Variants in SYK observed in about 807,000 individuals in gnomAD.
SYK encodes the protein tyrosine-protein kinase SYK.
A neutral mutation model predicts 77.8 loss-of-function variants in SYK; 16 were observed. The observed-to-expected ratio is 0.21, with a 90% CI of 0.14 to 0.31. The LOEUF (loss-of-function observed/expected upper bound fraction) is 0.31, where lower values mean the gene tolerates loss of function less well. Among genes scored for constraint, SYK ranks in the 10% least tolerant of loss-of-function variants. The pLI is 1.00. For synonymous variants in SYK, 312 were observed against 308.7 expected (o/e 1.01, Z -0.11); for missense variants, 529 against 814.4 (o/e 0.65, Z 4.26).
In SYK at chr9:90,884,970, TATATATATACCCAAC is replaced by T. The variant is rs1307083529; in HGVS notation, c.1582-2762_1582-2748del. Among the ~76,000 whole-genome samples, 4 of 133,782 alleles carry T rather than the reference TATATATATACCCAAC, an allele frequency of 3.0e-5. No individual in the cohort carries two copies. The East Asian group carries it at 8.7e-4, about 29-fold the overall frequency. The allele number at this position is 133,782 out of a possible 152,430, so 87.8% of individuals were successfully genotyped here. On this transcript the variant is annotated intron_variant, in intron 11 of 13. Transcript: ENST00000375754. ...ATATATACACACATATATGTGTATA[TATATATATACCCAAC>T]ATATATATACCCAACAACATATATA... is the stretch of plus-strand genomic sequence containing the variant.
intron 1 of SYK, among the ~76,000 whole-genome samples, chr9:90,812,234 T>G (rs1825109791): frequency 6.6e-6 from 1 of 152,178 alleles, no homozygotes. Flanking sequence ...TGTACTTTTT[T>G]CAATTTAGAA....
At position 90,898,125 on chromosome 9, in the gene SYK, A is replaced by C. The variant is rs199774700; in HGVS notation, c.*2525A>C. On this transcript the variant is annotated 3_prime_UTR_variant, in exon 14 of 14. Transcript: ENST00000375754. ...GCCTTTTACCTTATGGTCCTTCTTT[A>C]GCAGGTAACAAAGGAGCATCAGGGG... 2.3e-4 allele frequency: 53 copies of C among 229,078 alleles called. No individual in the cohort carries two copies. Among genetic ancestry groups the C allele is most frequent in the Non-Finnish European group, 4.0e-4 (46 of 115,452 alleles). 14.2% of individuals were successfully genotyped at this position (229,078 alleles called of 1,614,324 possible).
At chr9:90,850,261 G>A (rs1826766310) in intron 3 of SYK, among the ~76,000 whole-genome samples, 1 of 152,210 alleles carries the variant, frequency 6.6e-6, no homozygotes, top group South Asian at 2.1e-4. Context: ...GCTCATGCCT[G>A]TAATCCCAGC....
In SYK at chr9:90,884,165, A is replaced by G. The variant is rs561556785; in HGVS notation, c.1582-3584A>G. ...TATATGTGTGTGTGTATATATACACACATACACATACGTGTATATATACAC... is the reference window on the plus strand; with the variant it reads ...TATATGTGTGTGTGTATATATACACGCATACACATACGTGTATATATACAC... On this transcript the variant is annotated intron_variant, in intron 11 of 13. Coordinates refer to ENST00000375754, the MANE Select transcript of SYK (RefSeq NM_003177.7). 2.4e-3 allele frequency among the ~76,000 whole-genome samples: 177 copies of G among 74,522 alleles called. 2 individuals carry two copies. Among genetic ancestry groups the G allele is most frequent in the African/African-American group, 9.3e-3 (172 of 18,480 alleles). The allele number at this position is 74,522 out of a possible 152,430, so 48.9% of individuals were successfully genotyped here. A position where few individuals can be genotyped will look rare whatever the true frequency, so the allele number is the denominator to read the frequency against.
chr9:90,860,945 T>TAACAG (rs1827232195), intron 3 of SYK, among the ~76,000 whole-genome samples: 1 of 152,000 alleles, frequency 6.6e-6, no homozygotes, highest in African/African-American at 2.4e-5. Context: ...TACAGTGCAT[T>TAACAG]TGGGCACGTG....
At chr9:90,846,695 C>A (rs1446516097) in intron 3 of SYK, among the ~76,000 whole-genome samples, 1 of 123,680 alleles carries the variant, frequency 8.1e-6, no homozygotes, top group African/African-American at 2.9e-5. Context: ...GACCACAATA[C>A]TCTTAAAAAA....
rs1387381557 is a variant in SYK, at chr9:90,845,358, T to G, written c.418-76T>G. ...TGTTTTACCATGCCAGGACTCGAGA[T>G]AGATTGGAAATGCCTTCTGCATCAT... On this transcript the variant is annotated intron_variant, in intron 2 of 13. Transcript: ENST00000375754. 9 of 1,495,392 alleles carry G rather than the reference T, an allele frequency of 6.0e-6. No individual in the cohort carries two copies. In the East Asian group the frequency reaches 1.4e-4, roughly 23 times the overall value. 92.6% of individuals were successfully genotyped at this position (1,495,392 alleles called of 1,614,324 possible).
At chr9:90,877,839 C>A in intron 10 of SYK, 59 bp downstream of exon 10, 1 of 1,572,842 alleles carries the variant, frequency 6.4e-7, no homozygotes, top group Non-Finnish European at 8.7e-7. Context: ...GGGCCCACCC[C>A]TGGATGGGCC....
chr9:90,866,493 G>T (rs908165621), intron 6 of SYK, among the ~76,000 whole-genome samples: 1 of 152,130 alleles, frequency 6.6e-6, no homozygotes, highest in African/African-American at 2.4e-5. Context: ...CCTTTACAGG[G>T]CTCACAGGCC....
rs149469439 is a variant in SYK at position 90,888,562 on chromosome 9, G to A, written c.1770G>A (p.Arg590=). 2.5e-6 allele frequency: 4 copies of A among 1,613,214 alleles called. No homozygotes were observed. The East Asian group carries it at 8.9e-5, about 36-fold the overall frequency. Residue 590 remains arginine, a synonymous_variant, in exon 13 of 14, where the codon CGG becomes CGA. Transcript: ENST00000375754. ...CCGCTATGTTAGAGAAAGGAGAGCG[G>A]ATGGGGTGCCCTGCAGGGTGTCCAA... The part of the protein sequence containing the change: ...EVTAMLEKGE[R]MGCPAGCPRE...
intron 7 of SYK, among the ~76,000 whole-genome samples, chr9:90,869,895 G>T (rs918839465): frequency 6.6e-6 from 1 of 152,128 alleles, no homozygotes; most frequent in African/African-American, 2.4e-5. Context: ...ATCACTTGAG[G>T]TCAGGAGTTC....
intron 1 of SYK, among the ~76,000 whole-genome samples, chr9:90,838,960 A>G (rs1826188552): frequency 6.6e-6 from 1 of 152,214 alleles, no homozygotes; most frequent in African/African-American, 2.4e-5. Context: ...GGTGGCAGAG[A>G]TGCCACAGCC....
intron 13 of SYK, 33 bp downstream of exon 13, chr9:90,888,660 G>T: frequency 6.8e-7 from 1 of 1,470,006 alleles, no homozygotes; most frequent in Non-Finnish European, 9.2e-7. Flanking sequence ...GATGTATTCA[G>T]ATGCTCTGGA....
At chr9:90,853,637 C>T (rs989566255) in intron 3 of SYK, among the ~76,000 whole-genome samples, 11 of 152,014 alleles carry the variant, frequency 7.2e-5, no homozygotes, top group South Asian at 4.1e-4. Context: ...AAACAAACAC[C>T]GCATGTTCTC....
intron 10 of SYK, 115 bp downstream of exon 10, chr9:90,877,895 T>G: frequency 9.7e-7 from 1 of 1,030,920 alleles, no homozygotes; most frequent in South Asian, 1.5e-5. Context: ...TCCTGTGCCT[T>G]CCTTTATTGG....
At chr9:90,849,679 G>A (rs370487225) in intron 3 of SYK, among the ~76,000 whole-genome samples, 26 of 152,248 alleles carry the variant, frequency 1.7e-4, no homozygotes, top group African/African-American at 6.0e-4. Flanking sequence ...CTTTCTCTGG[G>A]TAGGAGGCAG....
intron 6 of SYK, among the ~76,000 whole-genome samples, chr9:90,865,321 T>C (rs1396328867): frequency 1.3e-5 from 2 of 152,072 alleles, no homozygotes; most frequent in African/African-American, 4.8e-5. Context: ...CTTTTTTTTT[T>C]TGGAGATGGA....
rs1478632936 is a variant in SYK at position 90,895,617 on chromosome 9, C to T, written c.*17C>T. 5 of 1,611,714 alleles carry T rather than the reference C, an allele frequency of 3.1e-6. No homozygotes were observed. The highest frequency in any genetic ancestry group is 3.3e-5 in the Admixed American group (2 of 59,990). ...GTGAACTAACCGCTCCCGCACCTGT[C>T]GGTGGCTGCCTTTGATCACAGGAGC... On this transcript the variant is annotated 3_prime_UTR_variant, in exon 14 of 14. Transcript: ENST00000375754. The surrounding 1 kb of genome is among the most constrained non-coding windows in gnomAD (Gnocchi z 4.4).
intron 13 of SYK, among the ~76,000 whole-genome samples, chr9:90,893,476 G>A (rs1003957239): frequency 9.2e-5 from 14 of 152,150 alleles, no homozygotes; most frequent in African/African-American, 3.4e-4. Flanking sequence ...CAGAGAGAGC[G>A]GGAGGGAGGT....
Sources: gnomAD v4.1 joint callset for allele counts (sites outside exome capture counted in the v4.1 genomes callset) on GRCh38, gnomAD v4.1.1 for gene constraint, Gnocchi (gnomAD v3.1) non-coding constraint, MANE v1.5 for transcripts, NCBI Gene and HGNC (gene_info 2026-07-23, HGNC 2026-07-21) for gene names.